POLR3E: variants seen among roughly 807,000 people sequenced by gnomAD.
The protein encoded by POLR3E is RNA polymerase III subunit E, also known as DNA-directed RNA polymerase III subunit RPC5.
In POLR3E, 41 loss-of-function variants were observed where a neutral mutation model predicts 96.6. That is an observed-to-expected ratio of 0.42 (90% confidence interval 0.33 to 0.55). The LOEUF is 0.55. Ranked by LOEUF, POLR3E falls within the 20% of genes least tolerant of loss-of-function variation. The pLI, the probability that POLR3E is intolerant of heterozygous loss-of-function variation, is 0.06. For missense variants in POLR3E, 849 were observed against 952.1 expected (o/e 0.89, Z 1.43); for synonymous variants, 396 against 383.6 (o/e 1.03, Z -0.38).
At chr16:22,319,048 C>T in intron 13 of POLR3E, 102 bp downstream of exon 13, 1 of 793,946 alleles carries the variant, frequency 1.3e-6, no homozygotes, top group South Asian at 1.9e-5. Flanking sequence ...AATCTCGGCT[C>T]ACTGTAACTT....
Position 22,308,987 on chromosome 16 carries a change from G to A in POLR3E, c.228G>A (p.Gln76=), listed in dbSNP as rs556787825. The stretch of plus-strand genomic sequence containing the variant: ...ACTATTGCCGCAGCAAAGGGGAGCA[G>A]ATTGCGCTGAACGTGGACGGGGCCT... The part of the protein sequence containing the change: ...NPNYCRSKGE[Q]IALNVDGACA... Residue 76 remains glutamine, a synonymous_variant, in exon 5 of 21, where the codon CAG becomes CAA. Coordinates refer to ENST00000299853, the MANE Select transcript of POLR3E (RefSeq NM_018119.4). 1.9e-6 allele frequency: 3 copies of A among 1,614,124 alleles called. 1 individual carries two copies. Among genetic ancestry groups the A allele is most frequent in the East Asian group, 4.5e-5 (2 of 44,872 alleles).
intron 20 of POLR3E, among the ~76,000 whole-genome samples, chr16:22,332,437 G>A (rs1310479673): frequency 6.6e-6 from 1 of 152,150 alleles, no homozygotes; most frequent in Non-Finnish European, 1.5e-5. Flanking sequence ...ATACAGCCAT[G>A]GATGCTTTGT....
At chr16:22,329,821 G>T (rs1374318110) in intron 19 of POLR3E, among the ~76,000 whole-genome samples, 5 of 152,050 alleles carry the variant, frequency 3.3e-5, no homozygotes, top group Non-Finnish European at 5.9e-5. Context: ...TAGAAACAGG[G>T]TCTCACTATG....
At chr16:22,327,213 A>C (rs887014629) in intron 18 of POLR3E, 2 of 152,302 alleles carry the variant, frequency 1.3e-5, no homozygotes, top group Middle Eastern at 3.1e-3. Context: ...TGATGATCTG[A>C]GGCCAAGGCC....
Position 22,308,974 on chromosome 16 carries a change from G to C in POLR3E, c.215G>C (p.Ser72Thr), listed in dbSNP as rs1295913616. 1 of 1,614,114 alleles carries C rather than the reference G, an allele frequency of 6.2e-7. No individual in the cohort carries two copies. Among genetic ancestry groups the C allele is most frequent in the Non-Finnish European group, 8.5e-7 (1 of 1,179,982 alleles). The change falls in exon 5 of 21, where the codon AGC (serine) becomes ACC (threonine). Residue 72 changes from serine to threonine, a missense_variant. Physicochemically the swap from Ser to Thr is moderately conservative, Grantham distance 58. Coordinates refer to ENST00000299853, the MANE Select transcript of POLR3E (RefSeq NM_018119.4). Reference sequence around the variant, plus strand: ...ACCCTGAACCCCAACTATTGCCGCAGCAAAGGGGAGCAGATTGCGCTGAAC... The same window carrying C: ...ACCCTGAACCCCAACTATTGCCGCACCAAAGGGGAGCAGATTGCGCTGAAC... ...IDTLNPNYCR[S>T]KGEQIALNVD...
In POLR3E at chr16:22,315,131, C is replaced by T. The variant is rs1157357479; in HGVS notation, c.565C>T (p.Arg189Cys). ...GGAGTCAGAGCAGGCCCGCCAGCGC[C>T]GTGTGCAGTCCTATGAGTTCCTGCA... ...RPESEQARQR[R>C]VQSYEFLQKK... Residue 189 changes from arginine (R) to cysteine (C), a missense_variant, in exon 9 of 21, where the codon CGT becomes TGT. Arg to Cys is a radical substitution (Grantham distance 180, BLOSUM62 -3). Coordinates refer to ENST00000299853, the MANE Select transcript of POLR3E (RefSeq NM_018119.4). The T allele has an allele frequency of 6.2e-7, 1 of 1,613,300 alleles. No homozygotes were observed. The highest frequency in any genetic ancestry group is 1.7e-5 in the Admixed American group (1 of 59,962).
At chr16:22,330,582 G>A (rs925795471) in intron 19 of POLR3E, among the ~76,000 whole-genome samples, 1 of 152,062 alleles carries the variant, frequency 6.6e-6, no homozygotes, top group Non-Finnish European at 1.5e-5. Context: ...CCTGGTTCCC[G>A]GGAAGCCTCT....
At chr16:22,314,664 T>A (rs2048317367) in intron 8 of POLR3E, among the ~76,000 whole-genome samples, 1 of 152,052 alleles carries the variant, frequency 6.6e-6, no homozygotes, top group African/African-American at 2.4e-5. Context: ...GTGGTGAGTG[T>A]TTGGAAGCCC....
In POLR3E at chr16:22,313,751, G is replaced by GCTGC; in HGVS notation, c.472+35_472+38dup. 6.7e-7 allele frequency: 1 copy of GCTGC among 1,486,930 alleles called. No individual in the cohort carries two copies. The highest frequency in any genetic ancestry group is 9.4e-7 in the Non-Finnish European group (1 of 1,068,930). The allele number at this position is 1,486,930 out of a possible 1,614,324, so 92.1% of individuals were successfully genotyped here. A position where few individuals can be genotyped will look rare whatever the true frequency, so the allele number is the denominator to read the frequency against. On this transcript the variant is annotated intron_variant, in intron 7 of 20. Transcript: ENST00000299853. The surrounding 1 kb of genome is among the most constrained non-coding windows in gnomAD (Gnocchi z 4.1). ...GGGTGAGCCCGGGATCCCCAGCCCT[G>GCTGC]CTGCCTGCCTGCCTTCATCCTGGTG...
intron 18 of POLR3E, chr16:22,328,263 C>T: frequency 3.8e-6 from 2 of 523,222 alleles, no homozygotes; most frequent in East Asian, 3.2e-5. Flanking sequence ...TTTCACTGGG[C>T]CCATCACACT....
At position 22,317,576 on chromosome 16, in the gene POLR3E, G is replaced by C. The variant is rs1440606866; in HGVS notation, c.865+370G>C. On this transcript the variant is annotated intron_variant, in intron 12 of 20. Coordinates refer to ENST00000299853, the MANE Select transcript of POLR3E (RefSeq NM_018119.4). ...GATAGTTCCTGGGGGCCAATGTGAG[G>C]AATCAGAGAGAGGAGGCTTCTAAAG... Among the ~76,000 whole-genome samples the C allele has an allele frequency of 2.0e-5, 3 of 152,212 alleles. No individual in the cohort carries two copies. The East Asian group carries it at 5.8e-4, about 29-fold the overall frequency.
chr16:22,303,382 C>T (rs989978186), intron 2 of POLR3E, among the ~76,000 whole-genome samples: 2 of 152,156 alleles, frequency 1.3e-5, no homozygotes, highest in East Asian at 1.9e-4. Flanking sequence ...GCCGCAAAGC[C>T]GAGTATAGTG....
chr16:22,302,961 C>T lies in POLR3E; in HGVS notation c.-8C>T, dbSNP rs781386213. ...GCTGAAGGACTGCGCGGCTGGCTCT[C>T]CTCTAGTATGGCCAATGAAGAGGAT... On this transcript the variant is annotated 5_prime_UTR_variant, in exon 2 of 21. Transcript: ENST00000299853. 1.2e-6 allele frequency: 2 copies of T among 1,613,850 alleles called. No homozygotes were observed. The highest frequency in any genetic ancestry group is 3.3e-5 in the Admixed American group (2 of 60,010).
Position 22,313,578 on chromosome 16 carries a change from T to C in POLR3E, c.365-42T>C. 2 of 1,360,334 alleles carry C rather than the reference T, an allele frequency of 1.5e-6. No individual in the cohort carries two copies. The highest frequency in any genetic ancestry group is 2.9e-5 in the African/African-American group (2 of 69,854). 84.3% of individuals were successfully genotyped at this position (1,360,334 alleles called of 1,614,324 possible). On this transcript the variant is annotated intron_variant, in intron 6 of 20. Coordinates refer to ENST00000299853, the MANE Select transcript of POLR3E (RefSeq NM_018119.4). The surrounding 1 kb of genome is among the most constrained non-coding windows in gnomAD (Gnocchi z 4.1). ...GGTGACTCTCTTGAGCCAAACTGGG[T>C]GGGTTTCTAGAGTTGAGTCCAAGCC... is the stretch of plus-strand genomic sequence containing the variant.
At chr16:22,321,553 C>T (rs1451400534) in intron 13 of POLR3E, among the ~76,000 whole-genome samples, 1 of 152,180 alleles carries the variant, frequency 6.6e-6, no homozygotes, top group Non-Finnish European at 1.5e-5. Context: ...ATATTTACAC[C>T]ATAAGTGAAT....
rs533923232 is a variant in POLR3E, at chr16:22,329,688, A to G, written c.1944+1101A>G. ...TTGATAACAAAAAGGCAAAAAAACAAAAGTCATAAATGCAGATTTTTAAAC... is the reference window on the plus strand; with the variant it reads ...TTGATAACAAAAAGGCAAAAAAACAGAAGTCATAAATGCAGATTTTTAAAC... On this transcript the variant is annotated intron_variant, in intron 19 of 20. Transcript: ENST00000299853. 2.6e-5 allele frequency among the ~76,000 whole-genome samples: 4 copies of G among 152,330 alleles called. No individual in the cohort carries two copies. The East Asian group carries it at 5.8e-4, about 22-fold the overall frequency.
intron 12 of POLR3E, among the ~76,000 whole-genome samples, chr16:22,317,568 A>G (rs117800165): frequency 0.019 from 2,941 of 152,066 alleles, 95 homozygotes; most frequent in East Asian, 0.11. Context: ...CCTGGGGGCC[A>G]ATGTGAGGAA....
chr16:22,329,450 A>C (rs759935540), intron 19 of POLR3E, among the ~76,000 whole-genome samples: 20 of 152,032 alleles, frequency 1.3e-4, no homozygotes, highest in Non-Finnish European at 2.6e-4. Context: ...GAACGTACCT[A>C]ATTTGATGGT....
At chr16:22,317,287 C>A in intron 12 of POLR3E, 81 bp downstream of exon 12, 1 of 1,044,154 alleles carries the variant, frequency 9.6e-7, no homozygotes, top group Non-Finnish European at 1.5e-6. Flanking sequence ...CAGTGAGGAC[C>A]AGGGGACAAG....
Sources: allele counts gnomAD v4.1 joint callset (sites outside exome capture counted in the v4.1 genomes callset), GRCh38; gene constraint gnomAD v4.1.1; non-coding constraint Gnocchi (gnomAD v3.1); transcripts MANE v1.5; gene names NCBI Gene and HGNC (gene_info 2026-07-23, HGNC 2026-07-21).